Variants in CIMIP6 observed in about 807,000 individuals in gnomAD.
CIMIP6 encodes ciliary microtubule inner protein 6.
the CIMIP6 span, among the ~76,000 whole-genome samples, chr2:54,336,806 A>C: frequency 6.6e-6 from 1 of 152,096 alleles, no homozygotes; most frequent in Non-Finnish European, 1.5e-5. Flanking sequence ...CCAGAGGGAG[A>C]GTGAGGGAGT....
At chr2:54,348,384 A>G in the CIMIP6 span, among the ~76,000 whole-genome samples, 3 of 152,194 alleles carry the variant, frequency 2.0e-5, no homozygotes, top group Admixed American at 6.5e-5. Context: ...AGAACCTGGC[A>G]TGATTCTCTC....
At chr2:54,370,997 C>T in the CIMIP6 span, among the ~76,000 whole-genome samples, 3,178 of 152,256 alleles carry the variant, frequency 0.021, 52 homozygotes, top group Middle Eastern at 0.048. Context: ...TTATGACAGG[C>T]ATTTGATCTG....
chr2:54,332,332 C>G, the CIMIP6 span, among the ~76,000 whole-genome samples: 1 of 152,218 alleles, frequency 6.6e-6, no homozygotes. Flanking sequence ...TTTACTTTTT[C>G]ATCCGCCTTT....
At chr2:54,353,303 C>T in the CIMIP6 span, among the ~76,000 whole-genome samples, 1 of 152,076 alleles carries the variant, frequency 6.6e-6, no homozygotes, top group Non-Finnish European at 1.5e-5. Flanking sequence ...AATACTTGGT[C>T]GTGGGGTGAG....
the CIMIP6 span, among the ~76,000 whole-genome samples, chr2:54,373,438 C>T: frequency 6.6e-6 from 1 of 152,136 alleles, no homozygotes; most frequent in Non-Finnish European, 1.5e-5. Context: ...CAAATAAATG[C>T]TCCTTCATGG....
the CIMIP6 span, among the ~76,000 whole-genome samples, chr2:54,346,553 T>A: frequency 6.6e-6 from 1 of 152,192 alleles, no homozygotes; most frequent in Non-Finnish European, 1.5e-5. Context: ...CCTCCACTAG[T>A]CTTCTCCATC....
chr2:54,378,299 G>A, the CIMIP6 span, among the ~76,000 whole-genome samples: 1 of 152,228 alleles, frequency 6.6e-6, no homozygotes, highest in Non-Finnish European at 1.5e-5. Flanking sequence ...ACCAGTGCTA[G>A]TCTTTCCTGC....
the CIMIP6 span, among the ~76,000 whole-genome samples, chr2:54,364,776 G>GTT: frequency 6.6e-6 from 1 of 152,192 alleles, no homozygotes; most frequent in African/African-American, 2.4e-5. Flanking sequence ...AATACTCTTT[G>GTT]TTAGACTCCT....
At chr2:54,360,059 G>C in the CIMIP6 span, 1 of 946,628 alleles carries the variant, frequency 1.1e-6, no homozygotes, top group East Asian at 2.8e-5. Flanking sequence ...GTCTAGTTTG[G>C]GACTGAGGTG....
At chr2:54,381,454 C>T in the CIMIP6 span, among the ~76,000 whole-genome samples, 8 of 152,170 alleles carry the variant, frequency 5.3e-5, no homozygotes, top group African/African-American at 9.7e-5. Flanking sequence ...TGTTTTCTCA[C>T]GTTTTCTTAA....
the CIMIP6 span, chr2:54,339,904 C>A: frequency 2.6e-6 from 1 of 379,358 alleles, no homozygotes; most frequent in Non-Finnish European, 3.4e-6. Flanking sequence ...CCCTTAATTT[C>A]TCAAAGAATG....
the CIMIP6 span, among the ~76,000 whole-genome samples, chr2:54,377,928 G>A: frequency 6.6e-6 from 1 of 152,172 alleles, no homozygotes; most frequent in African/African-American, 2.4e-5. Context: ...TAAAAATAGA[G>A]CACGTGTGAA....
the CIMIP6 span, among the ~76,000 whole-genome samples, chr2:54,369,667 GGAA>G: frequency 6.6e-6 from 1 of 152,304 alleles, no homozygotes; most frequent in East Asian, 1.9e-4. Context: ...TTTGAAAGGA[GGAA>G]GAAGACTACT....
chr2:54,348,958 T>G, the CIMIP6 span, among the ~76,000 whole-genome samples: 1 of 152,192 alleles, frequency 6.6e-6, no homozygotes, highest in African/African-American at 2.4e-5. Context: ...CTCCATCATA[T>G]TTGAGTCCCT....
At chr2:54,360,276 T>C in the CIMIP6 span, 3 of 1,612,388 alleles carry the variant, frequency 1.9e-6, no homozygotes, top group Non-Finnish European at 2.5e-6. Context: ...GCAGAGGTAT[T>C]ACTGAACACT....
chr2:54,331,005 A>G, the CIMIP6 span: 1 of 1,613,658 alleles, frequency 6.2e-7, no homozygotes, highest in African/African-American at 1.3e-5. Flanking sequence ...AGCATCAGTA[A>G]GTGCTGGGGT....
At chr2:54,368,481 G>A in the CIMIP6 span, among the ~76,000 whole-genome samples, 3 of 152,230 alleles carry the variant, frequency 2.0e-5, no homozygotes, top group Non-Finnish European at 2.9e-5. Context: ...ATGCAATAAA[G>A]GATTAATCTG....
the CIMIP6 span, among the ~76,000 whole-genome samples, chr2:54,366,399 A>C: frequency 6.6e-6 from 1 of 152,212 alleles, no homozygotes; most frequent in African/African-American, 2.4e-5. Context: ...ATAAACTTCT[A>C]TCTTGTATAA....
the CIMIP6 span, chr2:54,360,508 T>C: frequency 6.4e-7 from 1 of 1,559,980 alleles, no homozygotes; most frequent in Non-Finnish European, 8.7e-7. Flanking sequence ...CTGTAGGAGA[T>C]GCTCTTTTCA....
Sources: gnomAD v4.1 joint callset for allele counts (sites outside exome capture counted in the v4.1 genomes callset) on GRCh38, gnomAD v4.1.1 for gene constraint, MANE v1.5 for transcripts, NCBI Gene and HGNC (gene_info 2026-07-23, HGNC 2026-07-21) for gene names.